The following ULK4 variants were observed in gnomAD, a reference collection of about 807,000 sequenced individuals.
ULK4 encodes the protein inactive serine/threonine-protein kinase ULK4.
Under a neutral mutation model 160.6 loss-of-function variants are expected in ULK4, and 133 were observed. The observed-to-expected ratio is 0.83, with a 90% CI of 0.72 to 0.96. ULK4 has a LOEUF of 0.96. Ranked by LOEUF, ULK4 falls within the 40% of genes least tolerant of loss-of-function variation. The pLI is 0.00. For synonymous variants in ULK4, 534 were observed against 539.8 expected (o/e 0.99, Z 0.15); for missense variants, 1,580 against 1,499.5 (o/e 1.05, Z -0.89).
intron 30 of ULK4, among the ~76,000 whole-genome samples, chr3:41,650,730 T>A (rs1380079172): frequency 6.6e-6 from 1 of 152,086 alleles, no homozygotes; most frequent in East Asian, 1.9e-4. Context: ...AGAGCAAAAC[T>A]CAGGCGAAGG....
chr3:41,690,189 G>A (rs989088554), intron 27 of ULK4, among the ~76,000 whole-genome samples: 1 of 148,902 alleles, frequency 6.7e-6, no homozygotes, highest in Non-Finnish European at 1.5e-5. Context: ...ACTATCGCAA[G>A]AACAAAAAAC....
At chr3:41,892,787 C>T (rs1203865727) in intron 16 of ULK4, among the ~76,000 whole-genome samples, 2 of 152,190 alleles carry the variant, frequency 1.3e-5, no homozygotes, top group African/African-American at 4.8e-5. Flanking sequence ...ACCCCCTCAC[C>T]CATTACAATT....
chr3:41,608,988 G>T (rs2125674027), intron 31 of ULK4, among the ~76,000 whole-genome samples: 1 of 152,286 alleles, frequency 6.6e-6, no homozygotes, highest in African/African-American at 2.4e-5. Flanking sequence ...GAATGTGTAT[G>T]TACTATTTCC....
intron 21 of ULK4, among the ~76,000 whole-genome samples, chr3:41,773,934 T>A (rs1469009480): frequency 6.6e-6 from 1 of 152,202 alleles, no homozygotes; most frequent in African/African-American, 2.4e-5. Flanking sequence ...TACAACTATC[T>A]GATCTTTGAC....
chr3:41,486,487 CA>C (rs1262990370), intron 32 of ULK4, among the ~76,000 whole-genome samples: 1 of 152,102 alleles, frequency 6.6e-6, no homozygotes, highest in Non-Finnish European at 1.5e-5. Flanking sequence ...CAAAGGCAGG[CA>C]GGGGAGTGGG....
intron 35 of ULK4, among the ~76,000 whole-genome samples, chr3:41,369,810 A>AAC (rs1372764974): frequency 6.6e-6 from 1 of 151,336 alleles, no homozygotes; most frequent in African/African-American, 2.4e-5. Context: ...AAAAAAAAAA[A>AAC]TCTCATTTTG....
chr3:41,595,557 C>A (rs1202364416), intron 31 of ULK4, among the ~76,000 whole-genome samples: 1 of 152,140 alleles, frequency 6.6e-6, no homozygotes. Flanking sequence ...TCCTCTGAAC[C>A]TTCGTGGTCA....
intron 34 of ULK4, among the ~76,000 whole-genome samples, chr3:41,403,231 T>C (rs994629905): frequency 7.9e-5 from 12 of 152,146 alleles, no homozygotes; most frequent in Non-Finnish European, 1.6e-4. Context: ...AGTGAAATTA[T>C]CTGGGCCCAG....
At chr3:41,852,183 C>G (rs2042231927) in intron 17 of ULK4, among the ~76,000 whole-genome samples, 1 of 152,134 alleles carries the variant, frequency 6.6e-6, no homozygotes, top group Non-Finnish European at 1.5e-5. Flanking sequence ...CAAGACTAAA[C>G]TAGGAAGAAG....
intron 17 of ULK4, among the ~76,000 whole-genome samples, chr3:41,856,537 G>GTATATATATGTGTATATATATACACA (rs2042347385): frequency 2.3e-5 from 2 of 87,830 alleles, no homozygotes; most frequent in Non-Finnish European, 4.9e-5. Flanking sequence ...ATATATGTAT[G>GTATATATATGTGTATATATATACACA]TATATATATA....
At chr3:41,764,642 T>C (rs1460437984) in intron 21 of ULK4, among the ~76,000 whole-genome samples, 1 of 152,176 alleles carries the variant, frequency 6.6e-6, no homozygotes, top group African/African-American at 2.4e-5. Context: ...TGAGTGATAA[T>C]AGTGCACTTG....
chr3:41,912,704 C>A, intron 9 of ULK4, 103 bp downstream of exon 9: 1 of 1,019,194 alleles, frequency 9.8e-7, no homozygotes, highest in Non-Finnish European at 1.5e-6. Flanking sequence ...TCTCCTACTA[C>A]GAAAGCAGAG....
intron 32 of ULK4, among the ~76,000 whole-genome samples, chr3:41,542,643 C>A (rs2086734284): frequency 6.6e-6 from 1 of 152,138 alleles, no homozygotes; most frequent in Non-Finnish European, 1.5e-5. Flanking sequence ...GTGAATCCAT[C>A]TGGTCCTGGA....
At chr3:41,961,550 AC>A (rs201424516) in intron 1 of ULK4, among the ~76,000 whole-genome samples, 4 of 124,720 alleles carry the variant, frequency 3.2e-5, no homozygotes, top group African/African-American at 1.7e-4. Context: ...GTAGTCACTC[AC>A]CCCCCCCCCC....
At chr3:41,588,122 C>T (rs1233601474) in intron 31 of ULK4, among the ~76,000 whole-genome samples, 3 of 151,940 alleles carry the variant, frequency 2.0e-5, no homozygotes, top group Non-Finnish European at 2.9e-5. Context: ...AAAGGTGCCA[C>T]AATAGAACTG....
intron 32 of ULK4, among the ~76,000 whole-genome samples, chr3:41,465,789 C>T (rs1575261058): frequency 6.6e-6 from 1 of 152,050 alleles, no homozygotes; most frequent in South Asian, 2.1e-4. Flanking sequence ...GAAAGATATA[C>T]CATTTGTCTT....
intron 35 of ULK4, among the ~76,000 whole-genome samples, chr3:41,261,124 G>T (rs1238830606): frequency 6.6e-6 from 1 of 152,158 alleles, no homozygotes; most frequent in Non-Finnish European, 1.5e-5. Flanking sequence ...GGGCAAAGTT[G>T]ACAAAACCCA....
At chr3:41,701,019 A>C (rs894962358) in intron 27 of ULK4, among the ~76,000 whole-genome samples, 8 of 152,144 alleles carry the variant, frequency 5.3e-5, no homozygotes, top group Admixed American at 5.2e-4. Context: ...AAAAAAAAGA[A>C]ATAAAATCAT....
intron 32 of ULK4, among the ~76,000 whole-genome samples, chr3:41,565,477 G>A (rs1041766383): frequency 6.6e-6 from 1 of 152,182 alleles, no homozygotes; most frequent in African/African-American, 2.4e-5. Context: ...ACTCTGAGAA[G>A]TAGTTAAGAT....
Sources: gnomAD v4.1 joint callset for allele counts (sites outside exome capture counted in the v4.1 genomes callset) on GRCh38, gnomAD v4.1.1 for gene constraint, MANE v1.5 for transcripts, NCBI Gene and HGNC (gene_info 2026-07-23, HGNC 2026-07-21) for gene names.